Variants in ARHGAP6 observed in about 807,000 individuals in gnomAD.
The protein encoded by ARHGAP6 is Rho GTPase activating protein 6.
ARHGAP6 carries 16 observed loss-of-function variants against 55.7 expected under a neutral mutation model. That is an observed-to-expected ratio of 0.29 (90% CI 0.19 to 0.44). The LOEUF is 0.44. Among genes scored for constraint, ARHGAP6 ranks in the 20% least tolerant of loss-of-function variants. ARHGAP6 has a pLI of 1.00. For synonymous variants in ARHGAP6, 382 were observed against 360.9 expected, an observed-to-expected ratio of 1.06 and a Z score of -0.66; for missense variants, 698 against 808.9, an observed-to-expected ratio of 0.86 and a Z score of 1.66.
At chrX:11,587,208 T>C (rs2051745251) in intron 1 of ARHGAP6, among the ~76,000 whole-genome samples, 1 of 111,557 alleles carries the variant, frequency 9.0e-6, no homozygotes, top group Non-Finnish European at 1.9e-5. Context: ...TGCAATACTA[T>C]GTTGAATAGG....
chrX:11,206,372 T>C (rs2046704766), intron 2 of ARHGAP6, among the ~76,000 whole-genome samples: 1 of 111,865 alleles, frequency 8.9e-6, no homozygotes, highest in African/African-American at 3.2e-5. Flanking sequence ...AACTTGTAAG[T>C]ATAAAGGAAA....
chrX:11,189,948 C>T (rs966697930), intron 3 of ARHGAP6, among the ~76,000 whole-genome samples: 2 of 112,279 alleles, frequency 1.8e-5, no homozygotes, highest in African/African-American at 3.2e-5. Context: ...GGTCTCCTAG[C>T]AGCAGTAAGT....
At chrX:11,459,487 G>A (rs751908101) in intron 1 of ARHGAP6, among the ~76,000 whole-genome samples, 111 of 111,601 alleles carry the variant, frequency 9.9e-4, no homozygotes, top group Non-Finnish European at 1.9e-3. Context: ...TACCTGGTGG[G>A]AGTTGGGGTT....
chrX:11,660,351 A>G (rs1310078495), intron 1 of ARHGAP6, among the ~76,000 whole-genome samples: 1 of 108,188 alleles, frequency 9.2e-6, no homozygotes, highest in Non-Finnish European at 1.9e-5. Flanking sequence ...GCTTGAGGCC[A>G]GGAGTTCAAG....
At chrX:11,375,324 T>C (rs2049188441) in intron 1 of ARHGAP6, among the ~76,000 whole-genome samples, 1 of 112,243 alleles carries the variant, frequency 8.9e-6, no homozygotes. Flanking sequence ...ATGCTTACTT[T>C]ATTAGAATCA....
At chrX:11,495,260 C>A (rs1478087396) in intron 1 of ARHGAP6, among the ~76,000 whole-genome samples, 1 of 110,942 alleles carries the variant, frequency 9.0e-6, no homozygotes, top group South Asian at 3.9e-4. Context: ...CCCCCACCCA[C>A]CCCTTTCCTT....
intron 1 of ARHGAP6, among the ~76,000 whole-genome samples, chrX:11,360,020 T>C (rs1462438737): frequency 9.0e-6 from 1 of 111,428 alleles, no homozygotes; most frequent in Admixed American, 9.5e-5. Context: ...ATCAATAGCT[T>C]ACCAACCAAA....
At chrX:11,472,199 G>T (rs1302684954) in intron 1 of ARHGAP6, among the ~76,000 whole-genome samples, 3 of 111,059 alleles carry the variant, frequency 2.7e-5, no homozygotes, top group Non-Finnish European at 3.8e-5. Context: ...AGCATCCCTG[G>T]TCTCCACCCA....
intron 1 of ARHGAP6, among the ~76,000 whole-genome samples, chrX:11,596,409 C>T (rs1488620266): frequency 2.7e-5 from 3 of 110,784 alleles, no homozygotes; most frequent in African/African-American, 9.9e-5. Flanking sequence ...ACATCACACA[C>T]CAAGACCTGT....
At chrX:11,512,090 T>C (rs1284227258) in intron 1 of ARHGAP6, among the ~76,000 whole-genome samples, 1 of 111,572 alleles carries the variant, frequency 9.0e-6, no homozygotes, top group Non-Finnish European at 1.9e-5. Context: ...CCTCCCAAAG[T>C]GCTGGGATTA....
At chrX:11,419,174 T>C (rs2049790067) in intron 1 of ARHGAP6, among the ~76,000 whole-genome samples, 1 of 112,434 alleles carries the variant, frequency 8.9e-6, no homozygotes, top group African/African-American at 3.2e-5. Flanking sequence ...CAGTGGGCTC[T>C]GGTAACGCTG....
intron 1 of ARHGAP6, among the ~76,000 whole-genome samples, chrX:11,399,030 T>C (rs2147749106): frequency 8.9e-6 from 1 of 112,186 alleles, no homozygotes; most frequent in African/African-American, 3.2e-5. Flanking sequence ...GAAATATTGC[T>C]GGCATTGATT....
intron 1 of ARHGAP6, among the ~76,000 whole-genome samples, chrX:11,524,098 ATCTC>A (rs1211548465): frequency 1.8e-5 from 2 of 112,022 alleles, no homozygotes; most frequent in African/African-American, 3.2e-5. Flanking sequence ...TGAAGCTATT[ATCTC>A]TCTTATTATT....
chrX:11,242,247 G>A (rs950258343), intron 2 of ARHGAP6, among the ~76,000 whole-genome samples: 2 of 111,891 alleles, frequency 1.8e-5, no homozygotes, highest in African/African-American at 3.3e-5. Context: ...TCCTTGTTCC[G>A]TCAAAACATG....
chrX:11,298,258 A>G (rs1188448671), intron 1 of ARHGAP6: 2 of 1,209,711 alleles, frequency 1.7e-6, no homozygotes, highest in Non-Finnish European at 2.2e-6. Flanking sequence ...TTGAAGTGGT[A>G]CCAGAGCATA....
intron 1 of ARHGAP6, among the ~76,000 whole-genome samples, chrX:11,471,314 G>C (rs2050344625): frequency 9.0e-6 from 1 of 111,281 alleles, no homozygotes; most frequent in African/African-American, 3.3e-5. Flanking sequence ...AAATAAAAAA[G>C]AAACAACAGT....
chrX:11,317,007 G>T (rs775803051), intron 1 of ARHGAP6, among the ~76,000 whole-genome samples: 25 of 112,455 alleles, frequency 2.2e-4, no homozygotes, highest in Non-Finnish European at 4.5e-4. Context: ...TGTATAGCAT[G>T]GACATGCCAC....
chrX:11,413,430 A>C (rs1449837283), intron 1 of ARHGAP6, among the ~76,000 whole-genome samples: 1 of 112,424 alleles, frequency 8.9e-6, no homozygotes, highest in Non-Finnish European at 1.9e-5. Flanking sequence ...GAAACATCAC[A>C]AAGTGTAAGA....
intron 1 of ARHGAP6, among the ~76,000 whole-genome samples, chrX:11,647,340 C>T (rs1268921397): frequency 2.7e-5 from 3 of 112,002 alleles, no homozygotes; most frequent in African/African-American, 9.7e-5. Context: ...GCTCTTCCTC[C>T]CCCTTCTGAC....
Sources: allele counts gnomAD v4.1 joint callset (sites outside exome capture counted in the v4.1 genomes callset), GRCh38; gene constraint gnomAD v4.1.1; transcripts MANE v1.5; gene names NCBI Gene and HGNC (gene_info 2026-07-23, HGNC 2026-07-21).